The following LSAMP variants were observed in gnomAD, a reference collection of about 807,000 sequenced individuals.
LSAMP encodes limbic system associated membrane protein, also known as limbic system-associated membrane protein.
In LSAMP, 7 loss-of-function variants were observed where a neutral mutation model predicts 38.6. The ratio of observed to expected loss-of-function variants is 0.18; its 90% CI spans 0.10 to 0.34. LSAMP has a LOEUF of 0.34. Among genes scored for constraint, LSAMP ranks in the 10% least tolerant of loss-of-function variants. The probability of loss-of-function intolerance (pLI) is 1.00; values close to 1 mark genes in which losing one functional copy is unlikely to be tolerated. For missense variants in LSAMP, 313 were observed against 420.0 expected (o/e 0.75, Z 2.23); for synonymous variants, 154 against 166.8 (o/e 0.92, Z 0.59).
At chr3:115,813,390 G>A (rs1164331986) in intron 6 of LSAMP, among the ~76,000 whole-genome samples, 1 of 152,136 alleles carries the variant, frequency 6.6e-6, no homozygotes, top group African/African-American at 2.4e-5. Flanking sequence ...TATACTAGGT[G>A]TGTAATAAGC....
At chr3:116,064,802 G>A (rs1707370757) in intron 2 of LSAMP, among the ~76,000 whole-genome samples, 1 of 152,038 alleles carries the variant, frequency 6.6e-6, no homozygotes. Context: ...AGCACAAAAG[G>A]TAATATAACT....
chr3:115,927,698 G>T (rs1937518999), intron 3 of LSAMP, among the ~76,000 whole-genome samples: 1 of 152,100 alleles, frequency 6.6e-6, no homozygotes, highest in Non-Finnish European at 1.5e-5. Context: ...CCGGGCATAT[G>T]CTCACTTCAG....
intron 1 of LSAMP, among the ~76,000 whole-genome samples, chr3:116,387,887 A>G (rs2048644999): frequency 6.6e-6 from 1 of 151,924 alleles, no homozygotes; most frequent in Admixed American, 6.6e-5. Flanking sequence ...AGGTCAGGAG[A>G]TGGAGACCAT....
intron 3 of LSAMP, among the ~76,000 whole-genome samples, chr3:115,922,365 T>C (rs1209166584): frequency 1.3e-5 from 2 of 152,118 alleles, no homozygotes; most frequent in African/African-American, 4.8e-5. Context: ...CTATTGACTA[T>C]CTCTAATGAA....
At chr3:116,015,437 C>A (rs934314138) in intron 3 of LSAMP, among the ~76,000 whole-genome samples, 1 of 152,070 alleles carries the variant, frequency 6.6e-6, no homozygotes. Context: ...AGAAAATACA[C>A]GTTACAGTGC....
At chr3:116,133,408 A>G (rs896358639) in intron 1 of LSAMP, among the ~76,000 whole-genome samples, 1 of 152,012 alleles carries the variant, frequency 6.6e-6, no homozygotes, top group African/African-American at 2.4e-5. Context: ...CTCCCACCTC[A>G]GCCTCCAAGT....
At chr3:115,939,157 T>C (rs919367076) in intron 3 of LSAMP, among the ~76,000 whole-genome samples, 1 of 152,258 alleles carries the variant, frequency 6.6e-6, no homozygotes, top group Admixed American at 6.5e-5. Flanking sequence ...GTCCAACTAA[T>C]AAAAAGCAGG....
At chr3:115,937,552 G>T (rs1937745435) in intron 3 of LSAMP, among the ~76,000 whole-genome samples, 1 of 151,676 alleles carries the variant, frequency 6.6e-6, no homozygotes, top group Non-Finnish European at 1.5e-5. Context: ...GAGGTGGGAG[G>T]ATTGCTTGAG....
intron 3 of LSAMP, among the ~76,000 whole-genome samples, chr3:115,877,286 C>T (rs184150473): frequency 4.4e-4 from 67 of 152,108 alleles, no homozygotes; most frequent in Admixed American, 2.1e-3. Flanking sequence ...CTCCTTCCTC[C>T]CTCCCACCCT....
intron 3 of LSAMP, among the ~76,000 whole-genome samples, chr3:115,920,491 C>T (rs967536833): frequency 2.6e-5 from 4 of 152,094 alleles, no homozygotes; most frequent in Non-Finnish European, 4.4e-5. Flanking sequence ...TACCTGTTGG[C>T]TTCTTGTATG....
chr3:116,155,536 G>T (rs984163185), intron 1 of LSAMP, among the ~76,000 whole-genome samples: 6 of 151,664 alleles, frequency 4.0e-5, no homozygotes, highest in Admixed American at 1.3e-4. Flanking sequence ...CCCTATTTTT[G>T]ATCATGTTTT....
At chr3:116,009,635 CA>C (rs1940266306) in intron 3 of LSAMP, among the ~76,000 whole-genome samples, 1 of 152,086 alleles carries the variant, frequency 6.6e-6, no homozygotes, top group South Asian at 2.1e-4. Flanking sequence ...ATATTGGCCA[CA>C]AAAGTTATGC....
intron 1 of LSAMP, among the ~76,000 whole-genome samples, chr3:116,121,863 A>T (rs113721854): frequency 0.032 from 4,765 of 150,520 alleles, 223 homozygotes; most frequent in African/African-American, 0.11. Flanking sequence ...ACTTTCTTAA[A>T]ACATTATGAG....
intron 1 of LSAMP, among the ~76,000 whole-genome samples, chr3:116,241,391 A>G (rs2046531820): frequency 1.3e-5 from 2 of 151,562 alleles, no homozygotes; most frequent in Non-Finnish European, 2.9e-5. Flanking sequence ...ACATGGTAAA[A>G]CCCTGTCTCT....
intron 1 of LSAMP, among the ~76,000 whole-genome samples, chr3:116,397,677 T>C (rs538613308): frequency 6.6e-6 from 1 of 152,236 alleles, no homozygotes; most frequent in East Asian, 1.9e-4. Context: ...CCTGGTAATA[T>C]AGTCCTGCTG....
At chr3:116,078,733 T>C (rs1707806557) in intron 2 of LSAMP, among the ~76,000 whole-genome samples, 1 of 152,206 alleles carries the variant, frequency 6.6e-6, no homozygotes, top group Non-Finnish European at 1.5e-5. Context: ...CGTGAAAGTC[T>C]CTCTCAAGCT....
chr3:116,204,469 C>T (rs865981988), intron 1 of LSAMP, among the ~76,000 whole-genome samples: 20 of 152,004 alleles, frequency 1.3e-4, no homozygotes, highest in Middle Eastern at 3.4e-3. Context: ...GACATGAAGT[C>T]CTTGCCCATG....
intron 1 of LSAMP, among the ~76,000 whole-genome samples, chr3:116,134,450 A>G (rs903414404): frequency 1.3e-5 from 2 of 152,198 alleles, no homozygotes; most frequent in Non-Finnish European, 1.5e-5. Context: ...TGTTTAAAAT[A>G]AAATCCAAAC....
At chr3:116,208,600 T>G (rs1451046076) in intron 1 of LSAMP, among the ~76,000 whole-genome samples, 3 of 152,232 alleles carry the variant, frequency 2.0e-5, no homozygotes, top group Non-Finnish European at 4.4e-5. Flanking sequence ...CCTTTCTATT[T>G]GTTAGTTTTC....
Sources: gnomAD v4.1 joint callset for allele counts (sites outside exome capture counted in the v4.1 genomes callset) on GRCh38, gnomAD v4.1.1 for gene constraint, MANE v1.5 for transcripts, NCBI Gene and HGNC (gene_info 2026-07-23, HGNC 2026-07-21) for gene names.